The following DLG2 variants were observed in gnomAD, a reference collection of about 807,000 sequenced individuals.
DLG2 encodes disks large homolog 2.
DLG2 carries 45 observed loss-of-function variants against 132.5 expected under a neutral mutation model. That is an observed-to-expected ratio of 0.34 (90% CI 0.27 to 0.44). The LOEUF is 0.44. Among genes scored for constraint, DLG2 ranks in the 20% least tolerant of loss-of-function variants. The pLI, the probability that DLG2 is intolerant of heterozygous loss-of-function variation, is 1.00. For missense variants in DLG2, 1,045 were observed against 1,196.9 expected, an observed-to-expected ratio of 0.87 and a Z score of 1.87; for synonymous variants, 424 against 419.6, an observed-to-expected ratio of 1.01 and a Z score of -0.13.
intron 19 of DLG2, among the ~76,000 whole-genome samples, chr11:83,630,676 T>C (rs2063393901): frequency 6.6e-6 from 1 of 152,092 alleles, no homozygotes; most frequent in African/African-American, 2.4e-5. Context: ...CCACATAAAC[T>C]AGGCCCTTAG....
At chr11:83,654,735 G>A (rs1362863280) in intron 18 of DLG2, among the ~76,000 whole-genome samples, 1 of 152,204 alleles carries the variant, frequency 6.6e-6, no homozygotes, top group Non-Finnish European at 1.5e-5. Context: ...TACGTCTATA[G>A]AAATGAAGTA....
At chr11:85,467,186 C>T (rs369805392) in intron 3 of DLG2, among the ~76,000 whole-genome samples, 5 of 152,044 alleles carry the variant, frequency 3.3e-5, no homozygotes, top group African/African-American at 7.2e-5. Flanking sequence ...CTGAAGTTGC[C>T]TATCAGCTTA....
chr11:85,132,031 GATT>G (rs2075753082), intron 5 of DLG2, among the ~76,000 whole-genome samples: 1 of 152,006 alleles, frequency 6.6e-6, no homozygotes, highest in Non-Finnish European at 1.5e-5. Context: ...AATAATCAGT[GATT>G]ATAAAATTTA....
At chr11:84,335,376 A>G (rs908079091) in intron 7 of DLG2, among the ~76,000 whole-genome samples, 2 of 152,146 alleles carry the variant, frequency 1.3e-5, no homozygotes, top group African/African-American at 4.8e-5. Context: ...CTGGAGGATA[A>G]TCTTAAAAAC....
chr11:84,683,229 T>C (rs945621105), intron 6 of DLG2, among the ~76,000 whole-genome samples: 7 of 152,204 alleles, frequency 4.6e-5, no homozygotes. Context: ...AAGTTTAATA[T>C]GTGTTGTGAC....
At chr11:85,244,308 C>T (rs1057083965) in intron 4 of DLG2, among the ~76,000 whole-genome samples, 14 of 151,870 alleles carry the variant, frequency 9.2e-5, no homozygotes, top group Non-Finnish European at 2.9e-5. Flanking sequence ...TCATCATTGG[C>T]TAGTGGTGAA....
In DLG2 at chr11:83,541,702, C is replaced by T. The variant is rs375626621; in HGVS notation, c.2097G>A (p.Gly699=). ...VMLEGDSEEM[G]VIPSKRRVER... is the part of the protein sequence containing the mutation. Reference sequence around the variant, plus strand: ...CTTACCTCCTTTTGCTGGGGATGACCCCCATCTCCTCACTGTCTCCCTCCA... The same window carrying T: ...CTTACCTCCTTTTGCTGGGGATGACTCCCATCTCCTCACTGTCTCCCTCCA... The change falls in exon 20 of 28, where the codon GGG becomes GGA. Residue 699 remains glycine (G), a synonymous_variant. Coordinates refer to ENST00000376104, the MANE Select transcript of DLG2 (RefSeq NM_001142699.3). The T allele has an allele frequency of 6.2e-7, 1 of 1,609,156 alleles. No individual in the cohort carries two copies. The highest frequency in any genetic ancestry group is 8.5e-7 in the Non-Finnish European group (1 of 1,177,720).
chr11:84,490,886 C>CGT (rs113318666), intron 7 of DLG2, among the ~76,000 whole-genome samples: 12,024 of 147,862 alleles, frequency 0.081, 578 homozygotes, highest in African/African-American at 0.13. Context: ...TGAATGGTTG[C>CGT]GTGTGTGTGT....
intron 14 of DLG2, among the ~76,000 whole-genome samples, chr11:83,934,129 A>G (rs1200876164): frequency 6.6e-6 from 1 of 152,238 alleles, no homozygotes; most frequent in Non-Finnish European, 1.5e-5. Context: ...ATTAGTTGTC[A>G]ATCAGCTACC....
At chr11:85,008,802 A>C (rs1487088071) in intron 6 of DLG2, among the ~76,000 whole-genome samples, 1 of 152,136 alleles carries the variant, frequency 6.6e-6, no homozygotes, top group African/African-American at 2.4e-5. Flanking sequence ...AAAAAAACCC[A>C]GCAGATAAAC....
chr11:84,579,257 T>G (rs2099510866), intron 6 of DLG2, among the ~76,000 whole-genome samples: 1 of 151,462 alleles, frequency 6.6e-6, no homozygotes, highest in South Asian at 2.1e-4. Context: ...TAACCTTTGG[T>G]AGTACAAAAA....
intron 6 of DLG2, among the ~76,000 whole-genome samples, chr11:84,825,756 T>A (rs899284974): frequency 6.6e-6 from 1 of 151,952 alleles, no homozygotes; most frequent in South Asian, 2.1e-4. Flanking sequence ...TTGGTTCATA[T>A]AGCATTTCAA....
intron 6 of DLG2, among the ~76,000 whole-genome samples, chr11:84,904,837 T>C (rs951087128): frequency 6.6e-5 from 10 of 152,208 alleles, no homozygotes; most frequent in African/African-American, 2.2e-4. Flanking sequence ...GTGCAAATAA[T>C]GGAGAAATTT....
chr11:84,877,238 C>T (rs34064159), intron 6 of DLG2, among the ~76,000 whole-genome samples: 10,026 of 151,938 alleles, frequency 0.066, 462 homozygotes, highest in Non-Finnish European at 0.098. Context: ...CCTGAATATT[C>T]TTGTTAATTT....
At chr11:84,723,025 C>G (rs760090913) in intron 6 of DLG2, among the ~76,000 whole-genome samples, 1 of 152,140 alleles carries the variant, frequency 6.6e-6, no homozygotes, top group Non-Finnish European at 1.5e-5. Flanking sequence ...CCATTTTATT[C>G]CTTTATGTTA....
chr11:83,894,953 T>A lies in DLG2; in HGVS notation c.1497-20465A>T, dbSNP rs74887160. ...TAATTACCTACAGTTCCATCCATGT[T>A]GTTGCAAATGACACAATGGATTATC... On this transcript the variant is annotated intron_variant, in intron 15 of 27. Transcript: ENST00000376104. 1.6e-4 allele frequency among the ~76,000 whole-genome samples: 24 copies of A among 150,042 alleles called. 2 individuals are homozygous for A. In the East Asian group the frequency reaches 4.6e-3, roughly 29 times the overall value.
At chr11:84,290,784 A>G (rs1022489377) in intron 7 of DLG2, among the ~76,000 whole-genome samples, 1 of 152,148 alleles carries the variant, frequency 6.6e-6, no homozygotes, top group Non-Finnish European at 1.5e-5. Flanking sequence ...AGCTCCCAGA[A>G]AGTAGAAATT....
At chr11:84,690,332 A>G (rs565168081) in intron 6 of DLG2, among the ~76,000 whole-genome samples, 11 of 152,110 alleles carry the variant, frequency 7.2e-5, no homozygotes, top group Admixed American at 7.2e-4. Context: ...ATGTTATTTA[A>G]CATATAACAT....
intron 6 of DLG2, among the ~76,000 whole-genome samples, chr11:84,752,564 CTTTT>C (rs370347853): frequency 7.8e-6 from 1 of 127,506 alleles, no homozygotes; most frequent in Non-Finnish European, 1.7e-5. Flanking sequence ...TTTTCTTTTT[CTTTT>C]TTTTTTTTTT....
Sources: allele counts gnomAD v4.1 joint callset (sites outside exome capture counted in the v4.1 genomes callset), GRCh38; gene constraint gnomAD v4.1.1; transcripts MANE v1.5; gene names NCBI Gene and HGNC (gene_info 2026-07-23, HGNC 2026-07-21).